Variants in CACNA1H observed in about 807,000 individuals in gnomAD.
CACNA1H encodes the protein calcium voltage-gated channel subunit alpha1 H.
A neutral mutation model predicts 192.5 loss-of-function variants in CACNA1H; 149 were observed. The ratio of observed to expected loss-of-function variants is 0.77; its 90% CI spans 0.68 to 0.89. The LOEUF is 0.89. Among genes scored for constraint, CACNA1H ranks in the 40% least tolerant of loss-of-function variants. The probability of loss-of-function intolerance (pLI) is 0.00; values close to 1 mark genes in which losing one functional copy is unlikely to be tolerated. For missense variants in CACNA1H, 4,257 were observed against 3,423.5 expected (o/e 1.24, Z -6.08); for synonymous variants, 2,202 against 1,475.2 (o/e 1.49, Z -11.29).
At chr16:1,210,265 G>T in intron 18 of CACNA1H, 105 bp from the exon 19 acceptor site, 1 of 1,252,580 alleles carries the variant, frequency 8.0e-7, no homozygotes, top group Non-Finnish European at 1.1e-6. Flanking sequence ...ACACCGCAGG[G>T]ACCGGGGCTG....
At chr16:1,154,513 C>T (rs1962037835) in intron 2 of CACNA1H, among the ~76,000 whole-genome samples, 1 of 152,136 alleles carries the variant, frequency 6.6e-6, no homozygotes, top group South Asian at 2.1e-4. Context: ...CCTGGTGGTT[C>T]CGAGTGCGTG....
intron 8 of CACNA1H, among the ~76,000 whole-genome samples, chr16:1,201,086 C>T (rs143544147): frequency 6.6e-6 from 1 of 152,230 alleles, no homozygotes; most frequent in Non-Finnish European, 1.5e-5. Context: ...CACCGCTTTC[C>T]ACGGGCGTGT....
chr16:1,208,165 T>C lies in CACNA1H; in HGVS notation c.3307T>C (p.Ser1103Pro), dbSNP rs1027313794. ...GGATGCAGCCCCCAGCCTCCCAGAC[T>C]CTCGGCGTGGCAGCAGCAGCTCCGG... Reference protein sequence around the residue: ...FLDAAPSLPDSRRGSSSSGDP... With the variant: ...FLDAAPSLPDPRRGSSSSGDP... Residue 1103 changes from serine (S) to proline (P), a missense_variant, in exon 16 of 35, where the codon TCT becomes CCT. Ser to Pro is a moderately conservative substitution (Grantham distance 74). Coordinates refer to ENST00000348261, the MANE Select transcript of CACNA1H (RefSeq NM_021098.3). The C allele has an allele frequency of 6.4e-7, 1 of 1,569,902 alleles. No individual in the cohort carries two copies. The highest frequency in any genetic ancestry group is 8.6e-7 in the Non-Finnish European group (1 of 1,159,936).
Position 1,198,923 on chromosome 16 carries a change from C to T in CACNA1H, c.803+149C>T, listed in dbSNP as rs1967342133. 1.5e-5 allele frequency: 11 copies of T among 728,898 alleles called. No individual in the cohort carries two copies. The South Asian group carries it at 2.0e-4, about 13-fold the overall frequency. The allele number at this position is 728,898 out of a possible 1,614,324, so 45.2% of individuals were successfully genotyped here. A position where few individuals can be genotyped will look rare whatever the true frequency, so the allele number is the denominator to read the frequency against. On this transcript the variant is annotated intron_variant, in intron 6 of 34. Transcript: ENST00000348261. ...CTGCTGTCCCCGTCATGGCTCCGTC[C>T]ACCATGCTGTCTCCCGCCCCCACCC...
intron 2 of CACNA1H, among the ~76,000 whole-genome samples, chr16:1,158,913 G>C (rs2151636488): frequency 6.6e-6 from 1 of 151,378 alleles, no homozygotes; most frequent in African/African-American, 2.4e-5. Flanking sequence ...TGGCCCCGCA[G>C]AGCCCCCCCG....
chr16:1,212,327 C>T lies in CACNA1H; in HGVS notation c.4760-184C>T, dbSNP rs140069004. Among the ~76,000 whole-genome samples the T allele has an allele frequency of 4.1e-3, 620 of 152,164 alleles. 1 individual carries two copies. The highest frequency in any genetic ancestry group is 6.2e-3 in the Admixed American group (95 of 15,304). On this transcript the variant is annotated intron_variant, in intron 25 of 34. Coordinates refer to ENST00000348261, the MANE Select transcript of CACNA1H (RefSeq NM_021098.3). ...AGGGCCGTCGGGGAGCCCGCCATGG[C>T]AGGAGAGGAGGAGACACCCCCAACC...
At position 1,201,691 on chromosome 16, in the gene CACNA1H, G is replaced by A. The variant is rs781525428; in HGVS notation, c.1241G>A (p.Cys414Tyr). ...GGCTCCTTCTTCATGATCAACCTGT[G>A]CCTGGTGGTGATTGCCACGCAGTTC... ...IVGSFFMINL[C>Y]LVVIATQFSE... Residue 414 changes from cysteine (C) to tyrosine (Y), a missense_variant, in exon 9 of 35, where the codon TGC (cysteine) becomes TAC (tyrosine). By Grantham distance (194) the Cys-to-Tyr change is radical. Coordinates refer to ENST00000348261, the MANE Select transcript of CACNA1H (RefSeq NM_021098.3). 2 of 1,607,164 alleles carry A rather than the reference G, an allele frequency of 1.2e-6. No individual in the cohort carries two copies. The highest frequency in any genetic ancestry group is 1.7e-6 in the Non-Finnish European group (2 of 1,176,360).
At chr16:1,218,709 G>A in intron 33 of CACNA1H, 58 bp downstream of exon 33, 3 of 1,433,172 alleles carry the variant, frequency 2.1e-6, no homozygotes, top group Non-Finnish European at 2.8e-6. Flanking sequence ...GGAGGAAGAT[G>A]GGGGCAGGTG....
Position 1,195,922 on chromosome 16 carries a change from C to T in CACNA1H, c.546-4C>T. ...GAGCTGCTCCCCCTCGGCCCCGCCCCCAGCATGATGGAGTACTCGTTGGAC... is the reference window on the plus strand; with the variant it reads ...GAGCTGCTCCCCCTCGGCCCCGCCCTCAGCATGATGGAGTACTCGTTGGAC... On this transcript the variant is annotated splice_polypyrimidine_tract_variant and splice_region_variant and intron_variant, in intron 4 of 34. Transcript: ENST00000348261. 6.2e-7 allele frequency: 1 copy of T among 1,612,484 alleles called. No homozygotes were observed. The highest frequency in any genetic ancestry group is 8.5e-7 in the Non-Finnish European group (1 of 1,179,304).
chr16:1,214,091 T>C (rs1247319542), intron 27 of CACNA1H, among the ~76,000 whole-genome samples, 160 bp downstream of exon 27: 1 of 151,968 alleles, frequency 6.6e-6, no homozygotes, highest in African/African-American at 2.4e-5. Flanking sequence ...TTAATGTTGA[T>C]TGAAACTCCC....
At chr16:1,204,657 C>G (rs1968434925) in intron 10 of CACNA1H, among the ~76,000 whole-genome samples, 199 bp downstream of exon 10, 1 of 152,156 alleles carries the variant, frequency 6.6e-6, no homozygotes, top group African/African-American at 2.4e-5. Flanking sequence ...GATTCCTGGC[C>G]TCCTCTCTAG....
In CACNA1H at chr16:1,218,357, G is replaced by A; in HGVS notation, c.5593G>A (p.Glu1865Lys). 8 of 1,562,508 alleles carry A rather than the reference G, an allele frequency of 5.1e-6. No individual in the cohort carries two copies. Among genetic ancestry groups the A allele is most frequent in the African/African-American group, 1.4e-5 (1 of 73,604 alleles). The change falls in exon 33 of 35, where the codon GAG (glutamate) becomes AAG (lysine). Residue 1865 changes from glutamate (E) to lysine (K), a missense_variant. Physicochemically the swap from Glu to Lys is moderately conservative, Grantham distance 56. Transcript: ENST00000348261. ...VVAVLMKHLEESNKEAREDAE... is the reference protein window; with the variant it reads ...VVAVLMKHLEKSNKEAREDAE... ...GGCCGTGCTCATGAAGCACCTGGAG[G>A]AGAGCAACAAGGAGGCACGGGAGGA...
At position 1,206,131 on chromosome 16, in the gene CACNA1H, C is replaced by T. The variant is rs59636120; in HGVS notation, c.2631C>T (p.Asp877=). 2,166 of 1,585,060 alleles carry T rather than the reference C, an allele frequency of 1.4e-3. 19 individuals carry two copies. The African/African-American group carries it at 0.02, about 15-fold the overall frequency. ...TCTGGGAGATCGTGGGGCAGGCGGA[C>T]GGTGGCTTGTCTGTGCTGCGCACCT... is the stretch of plus-strand genomic sequence containing the variant. ...ISVWEIVGQA[D]GGLSVLRTFR... Residue 877 remains aspartate, a synonymous_variant, in exon 12 of 35, where the codon GAC becomes GAT. Transcript: ENST00000348261.
chr16:1,188,453 G>C (rs961097481), intron 2 of CACNA1H, among the ~76,000 whole-genome samples: 6 of 152,184 alleles, frequency 3.9e-5, no homozygotes, highest in African/African-American at 1.2e-4. Flanking sequence ...GCCGCCCTGA[G>C]ACTGGCTCCT....
In CACNA1H at chr16:1,221,575, T is replaced by G; in HGVS notation, c.*581T>G. Reference sequence around the variant, plus strand: ...TCACTAAGGGGCCGACCCCATGGAGTAACGCGCCCGGCCCCGATGCGAATC... The same window carrying G: ...TCACTAAGGGGCCGACCCCATGGAGGAACGCGCCCGGCCCCGATGCGAATC... On this transcript the variant is annotated 3_prime_UTR_variant, in exon 35 of 35. Coordinates refer to ENST00000348261, the MANE Select transcript of CACNA1H (RefSeq NM_021098.3). The G allele has an allele frequency of 1.8e-6, 1 of 561,162 alleles. No homozygotes were observed. The highest frequency in any genetic ancestry group is 3.1e-6 in the Non-Finnish European group (1 of 322,722). 34.8% of individuals were successfully genotyped at this position (561,162 alleles called of 1,614,324 possible). A position where few individuals can be genotyped will look rare whatever the true frequency, so the allele number is the denominator to read the frequency against.
chr16:1,211,096 T>C, intron 21 of CACNA1H, 72 bp from the exon 22 acceptor site: 1 of 1,582,018 alleles, frequency 6.3e-7, no homozygotes, highest in Non-Finnish European at 8.6e-7. Flanking sequence ...CCTTGGGACC[T>C]TTGCTGAGCT....
chr16:1,205,617 C>G (rs768451663), intron 11 of CACNA1H, among the ~76,000 whole-genome samples: 1 of 152,232 alleles, frequency 6.6e-6, no homozygotes, highest in Non-Finnish European at 1.5e-5. Context: ...AGGCTGAATC[C>G]TGCTTGCTGC....
At chr16:1,178,321 C>T (rs963890523) in intron 2 of CACNA1H, among the ~76,000 whole-genome samples, 1 of 146,908 alleles carries the variant, frequency 6.8e-6, no homozygotes, top group African/African-American at 2.5e-5. Context: ...CCCCAGCCGC[C>T]TCATTTACGG....
intron 2 of CACNA1H, among the ~76,000 whole-genome samples, chr16:1,183,041 C>T (rs1342776913): frequency 6.8e-6 from 1 of 146,480 alleles, no homozygotes; most frequent in Non-Finnish European, 1.5e-5. Flanking sequence ...CTGGGCCCCA[C>T]CCACCACCCC....
Sources: allele counts gnomAD v4.1 joint callset (sites outside exome capture counted in the v4.1 genomes callset), GRCh38; gene constraint gnomAD v4.1.1; transcripts MANE v1.5; gene names NCBI Gene and HGNC (gene_info 2026-07-23, HGNC 2026-07-21).